Variants in GRIA3 observed in about 807,000 individuals in gnomAD.
The protein encoded by GRIA3 is glutamate ionotropic receptor AMPA type subunit 3, also known as glutamate receptor 3.
In GRIA3, 3 loss-of-function variants were observed where a neutral mutation model predicts 63.0. The ratio of observed to expected loss-of-function variants is 0.05; its 90% CI spans 0.02 to 0.12. The LOEUF (loss-of-function observed/expected upper bound fraction) is 0.12, where lower values mean the gene tolerates loss of function less well. GRIA3 is among the 10% of genes least tolerant of loss of function. GRIA3 has a pLI of 1.00. For missense variants in GRIA3, 347 were observed against 700.9 expected, an observed-to-expected ratio of 0.50 and a Z score of 5.70; for synonymous variants, 274 against 257.9, an observed-to-expected ratio of 1.06 and a Z score of -0.60.
intron 3 of GRIA3, among the ~76,000 whole-genome samples, chrX:123,283,050 T>C (rs150903842): frequency 3.6e-5 from 4 of 111,773 alleles, no homozygotes; most frequent in African/African-American, 1.3e-4. Context: ...GTACCCAGCT[T>C]ACTTCATGGG....
chrX:123,450,363 A>C (rs1194659833), intron 12 of GRIA3, among the ~76,000 whole-genome samples: 1 of 112,321 alleles, frequency 8.9e-6, no homozygotes, highest in African/African-American at 3.2e-5. Flanking sequence ...CACTCAATTC[A>C]CTAGTTTTGG....
chrX:123,333,813 A>G (rs771944984), intron 4 of GRIA3, among the ~76,000 whole-genome samples: 1 of 110,934 alleles, frequency 9.0e-6, no homozygotes, highest in African/African-American at 3.3e-5. Context: ...GTAGATCAAT[A>G]CATGGCCAAA....
intron 7 of GRIA3, 108 bp from the exon 8 acceptor site, chrX:123,402,886 A>C: frequency 2.0e-6 from 1 of 497,502 alleles, no homozygotes; most frequent in Non-Finnish European, 3.7e-6. Context: ...ATGACTTGCA[A>C]TAATAATTCT....
rs975638257 is a variant in GRIA3, at chrX:123,185,494, T to TG, written c.110-335dup. 5.1e-4 allele frequency among the ~76,000 whole-genome samples: 3 copies of TG among 5,916 alleles called. No homozygotes were observed. The Admixed American group carries it at 7.1e-3, about 14-fold the overall frequency. The allele number at this position is 5,916 out of a possible 115,157, so 5.1% of individuals were successfully genotyped here. Reference sequence around the variant, plus strand: ...ATGAAAAGATGACCAGCTGTGCGGATGGGCGGGGGGCGGAGGGGGGGGGCG... The same window carrying TG: ...ATGAAAAGATGACCAGCTGTGCGGATGGGGCGGGGGGCGGAGGGGGGGGGCG... On this transcript the variant is annotated intron_variant, in intron 1 of 15. Coordinates refer to ENST00000620443, the MANE Select transcript of GRIA3 (RefSeq NM_007325.5).
At chrX:123,390,191 G>T (rs2045377710) in intron 5 of GRIA3, among the ~76,000 whole-genome samples, 1 of 111,194 alleles carries the variant, frequency 9.0e-6, no homozygotes. Context: ...AAACATTTGA[G>T]TCCCTTCTCT....
At chrX:123,392,905 G>A (rs764452684) in intron 5 of GRIA3, among the ~76,000 whole-genome samples, 2 of 111,893 alleles carry the variant, frequency 1.8e-5, no homozygotes, top group South Asian at 3.8e-4. Flanking sequence ...AGAATGGAGA[G>A]TTGGGTAACA....
chrX:123,292,091 C>T (rs1285704973), intron 3 of GRIA3, among the ~76,000 whole-genome samples: 2 of 111,267 alleles, frequency 1.8e-5, no homozygotes, highest in African/African-American at 6.5e-5. Context: ...CCAAGCTGCA[C>T]TGAGCTTTGA....
At chrX:123,321,658 T>C (rs1029791071) in intron 3 of GRIA3, among the ~76,000 whole-genome samples, 1 of 112,219 alleles carries the variant, frequency 8.9e-6, no homozygotes, top group Non-Finnish European at 1.9e-5. Context: ...CCTGTGAAAA[T>C]GATTTTGACA....
At chrX:123,443,683 G>A (rs761199249) in intron 12 of GRIA3, among the ~76,000 whole-genome samples, 1 of 111,295 alleles carries the variant, frequency 9.0e-6, no homozygotes, top group Non-Finnish European at 1.9e-5. Flanking sequence ...GTTAGTGTCT[G>A]TACAGAGGCT....
intron 3 of GRIA3, among the ~76,000 whole-genome samples, chrX:123,290,065 GA>G (rs1237512540): frequency 3.6e-5 from 4 of 110,664 alleles, no homozygotes; most frequent in Non-Finnish European, 7.6e-5. Flanking sequence ...AGATATAGGA[GA>G]AAAAGAGACA....
chrX:123,476,629 C>CTGTG (rs751827893), intron 13 of GRIA3, among the ~76,000 whole-genome samples: 4 of 111,485 alleles, frequency 3.6e-5, no homozygotes, highest in Non-Finnish European at 7.5e-5. Flanking sequence ...TGTTTGTTGG[C>CTGTG]TGTGCTGCTG....
intron 2 of GRIA3, among the ~76,000 whole-genome samples, chrX:123,216,331 A>AT (rs1424897514): frequency 8.9e-6 from 1 of 112,003 alleles, no homozygotes; most frequent in African/African-American, 3.3e-5. Flanking sequence ...TCCTTTTAGC[A>AT]TTTTTTGTGC....
intron 3 of GRIA3, among the ~76,000 whole-genome samples, chrX:123,288,659 T>A (rs1490953221): frequency 1.8e-5 from 2 of 110,108 alleles, no homozygotes; most frequent in Admixed American, 9.6e-5. Context: ...AACAAACATA[T>A]GAAAAAAAAA....
Position 123,403,610 on chromosome X carries a change from G to A in GRIA3, c.1293+91G>A. 5.8e-5 allele frequency: 36 copies of A among 625,103 alleles called. No individual in the cohort carries two copies. The South Asian group carries it at 7.8e-4, about 14-fold the overall frequency. The allele number at this position is 625,103 out of a possible 1,213,427, so 51.5% of individuals were successfully genotyped here. Reference sequence around the variant, plus strand: ...TTTCCACCAGTAGAAAAGACCTCAAGTTCAAACAGTAAAAACTTCCAACAG... The same window carrying A: ...TTTCCACCAGTAGAAAAGACCTCAAATTCAAACAGTAAAAACTTCCAACAG... On this transcript the variant is annotated intron_variant, in intron 9 of 15. Transcript: ENST00000620443.
In GRIA3 at chrX:123,253,379, C is replaced by T; in HGVS notation, c.345C>T (p.Ser115=). 8.3e-7 allele frequency: 1 copy of T among 1,210,964 alleles called. No individual in the cohort carries two copies. Among genetic ancestry groups the T allele is most frequent in the Non-Finnish European group, 1.1e-6 (1 of 894,648 alleles). ...YDQMSMNTLT[S]FCGALHTSFV... ...AGATGTCAATGAACACCCTGACCTCCTTCTGTGGGGCCCTGCACACATCCT... is the reference window on the plus strand; with the variant it reads ...AGATGTCAATGAACACCCTGACCTCTTTCTGTGGGGCCCTGCACACATCCT... The change falls in exon 3 of 16, where the codon TCC becomes TCT. Residue 115 remains serine (S), a synonymous_variant. Coordinates refer to ENST00000620443, the MANE Select transcript of GRIA3 (RefSeq NM_007325.5).
intron 4 of GRIA3, among the ~76,000 whole-genome samples, chrX:123,330,318 C>G (rs908744318): frequency 8.9e-6 from 1 of 111,786 alleles, no homozygotes; most frequent in African/African-American, 3.3e-5. Flanking sequence ...TTAAATGTAA[C>G]CCTCTGCTCA....
intron 3 of GRIA3, among the ~76,000 whole-genome samples, chrX:123,321,893 C>T (rs1296373888): frequency 9.0e-6 from 1 of 111,594 alleles, no homozygotes; most frequent in East Asian, 2.8e-4. Flanking sequence ...CCCTCAGCTC[C>T]CTTCCGGGAG....
intron 3 of GRIA3, among the ~76,000 whole-genome samples, chrX:123,286,926 C>A (rs1207664044): frequency 8.9e-6 from 1 of 111,786 alleles, no homozygotes; most frequent in African/African-American, 3.3e-5. Flanking sequence ...AGGCCAGCAT[C>A]ATCCTGATAC....
chrX:123,318,228 G>A (rs1271256470), intron 3 of GRIA3, among the ~76,000 whole-genome samples: 3 of 111,744 alleles, frequency 2.7e-5, no homozygotes, highest in Non-Finnish European at 5.6e-5. Context: ...TGATGGGAGG[G>A]GCTGCTGTGA....
Sources: gnomAD v4.1 joint callset for allele counts (sites outside exome capture counted in the v4.1 genomes callset) on GRCh38, gnomAD v4.1.1 for gene constraint, MANE v1.5 for transcripts, NCBI Gene and HGNC (gene_info 2026-07-23, HGNC 2026-07-21) for gene names.